LDB2: variants seen among roughly 807,000 people sequenced by gnomAD.
The protein encoded by LDB2 is LIM domain binding 2.
A neutral mutation model predicts 44.3 loss-of-function variants in LDB2; 12 were observed. The ratio of observed to expected loss-of-function variants is 0.27; its 90% CI spans 0.17 to 0.44. LDB2 has a LOEUF of 0.44. Among genes scored for constraint, LDB2 ranks in the 20% least tolerant of loss-of-function variants. The pLI, the probability that LDB2 is intolerant of heterozygous loss-of-function variation, is 1.00. For synonymous variants in LDB2, 164 were observed against 174.8 expected, an observed-to-expected ratio of 0.94 and a Z score of 0.49; for missense variants, 344 against 473.5, an observed-to-expected ratio of 0.73 and a Z score of 2.54.
At chr4:16,735,980 G>C (rs1051065523) in intron 2 of LDB2, among the ~76,000 whole-genome samples, 4 of 152,170 alleles carry the variant, frequency 2.6e-5, no homozygotes, top group Admixed American at 1.3e-4. Context: ...GAGAAAGACA[G>C]AAGAGCAATT....
At chr4:16,717,187 A>AATAATAATAATG (rs56204510) in intron 2 of LDB2, among the ~76,000 whole-genome samples, 3 of 146,886 alleles carry the variant, frequency 2.0e-5, no homozygotes, top group African/African-American at 7.4e-5. Context: ...TAATAATAAT[A>AATAATAATAATG]ATGATGATGA....
At chr4:16,618,390 T>C (rs547702496) in intron 2 of LDB2, among the ~76,000 whole-genome samples, 79 of 152,314 alleles carry the variant, frequency 5.2e-4, no homozygotes, top group African/African-American at 1.8e-3. Context: ...CCTATCTGCC[T>C]TGTTCGCATT....
intron 2 of LDB2, among the ~76,000 whole-genome samples, chr4:16,662,471 A>G (rs1741859547): frequency 6.6e-6 from 1 of 152,220 alleles, no homozygotes; most frequent in African/African-American, 2.4e-5. Flanking sequence ...TGGTAAAAAT[A>G]TATCATCCAA....
intron 2 of LDB2, among the ~76,000 whole-genome samples, chr4:16,729,793 G>A (rs1304486119): frequency 6.6e-6 from 1 of 152,092 alleles, no homozygotes; most frequent in Non-Finnish European, 1.5e-5. Flanking sequence ...TCTTTCTAAG[G>A]AGCACACAAA....
intron 2 of LDB2, among the ~76,000 whole-genome samples, chr4:16,677,977 A>AC (rs1746756343): frequency 6.6e-6 from 1 of 152,244 alleles, no homozygotes; most frequent in Admixed American, 6.5e-5. Context: ...AAGTGTGTAG[A>AC]CCGTCTTTCT....
At chr4:16,570,785 T>C (rs1172770400) in intron 5 of LDB2, among the ~76,000 whole-genome samples, 1 of 152,162 alleles carries the variant, frequency 6.6e-6, no homozygotes, top group Non-Finnish European at 1.5e-5. Context: ...ATGATGACGA[T>C]GATAATCATA....
intron 2 of LDB2, among the ~76,000 whole-genome samples, chr4:16,661,760 T>C (rs1480562996): frequency 1.3e-5 from 2 of 152,110 alleles, no homozygotes; most frequent in African/African-American, 4.8e-5. Flanking sequence ...GAAAATCACA[T>C]GCAACTGAAG....
At chr4:16,854,251 A>G (rs904987698) in intron 1 of LDB2, among the ~76,000 whole-genome samples, 7 of 151,556 alleles carry the variant, frequency 4.6e-5, no homozygotes, top group African/African-American at 1.7e-4. Context: ...CAATAATATC[A>G]TATTGTATAC....
intron 2 of LDB2, among the ~76,000 whole-genome samples, chr4:16,677,677 T>C (rs1015824302): frequency 6.6e-6 from 1 of 152,220 alleles, no homozygotes; most frequent in African/African-American, 2.4e-5. Flanking sequence ...TCTTGTTCCA[T>C]GTAATTAAGG....
chr4:16,798,108 T>C (rs2109705536), intron 1 of LDB2, among the ~76,000 whole-genome samples: 1 of 151,976 alleles, frequency 6.6e-6, no homozygotes, highest in South Asian at 2.1e-4. Context: ...TTTCCTTAGC[T>C]GAAAAATGGG....
At chr4:16,630,099 T>C (rs982889246) in intron 2 of LDB2, among the ~76,000 whole-genome samples, 2 of 152,110 alleles carry the variant, frequency 1.3e-5, no homozygotes, top group African/African-American at 4.8e-5. Context: ...ACCACAAAGA[T>C]ACTCCCTGAG....
intron 5 of LDB2, among the ~76,000 whole-genome samples, chr4:16,566,337 A>G (rs1339998755): frequency 6.6e-6 from 1 of 152,160 alleles, no homozygotes; most frequent in African/African-American, 2.4e-5. Flanking sequence ...AAGCCAAAAA[A>G]TACAAAGAAT....
intron 5 of LDB2, among the ~76,000 whole-genome samples, chr4:16,578,064 A>G (rs996567386): frequency 4.6e-5 from 7 of 152,152 alleles, no homozygotes; most frequent in Non-Finnish European, 8.8e-5. Context: ...AAAATCAAAT[A>G]AAAATGGATT....
chr4:16,613,625 T>G (rs914788940), intron 2 of LDB2, among the ~76,000 whole-genome samples: 1 of 151,916 alleles, frequency 6.6e-6, no homozygotes, highest in Non-Finnish European at 1.5e-5. Flanking sequence ...ACACCAACAA[T>G]AGGCATGCAG....
chr4:16,640,386 T>A, intron 2 of LDB2, among the ~76,000 whole-genome samples: 1 of 152,352 alleles, frequency 6.6e-6, no homozygotes, highest in Non-Finnish European at 1.5e-5. Flanking sequence ...AACTGAAATA[T>A]GAAGGACCTT....
chr4:16,628,423 G>GA (rs1426776724), intron 2 of LDB2, among the ~76,000 whole-genome samples: 1 of 152,174 alleles, frequency 6.6e-6, no homozygotes, highest in African/African-American at 2.4e-5. Flanking sequence ...GCCCTGGACT[G>GA]AAGGTACTGA....
At chr4:16,876,920 C>CT (rs1718576209) in intron 1 of LDB2, among the ~76,000 whole-genome samples, 3 of 76,270 alleles carry the variant, frequency 3.9e-5, no homozygotes, top group Non-Finnish European at 8.7e-5. Flanking sequence ...TTTTTTTTTT[C>CT]CTTAGAGACA....
At chr4:16,553,055 C>T (rs975155084) in intron 5 of LDB2, among the ~76,000 whole-genome samples, 8 of 152,170 alleles carry the variant, frequency 5.3e-5, no homozygotes, top group Non-Finnish European at 1.5e-5. Context: ...TTCTGAGGAG[C>T]CATGTCAAAG....
intron 1 of LDB2, among the ~76,000 whole-genome samples, chr4:16,880,209 T>A (rs902434502): frequency 6.6e-6 from 1 of 152,186 alleles, no homozygotes; most frequent in Non-Finnish European, 1.5e-5. Context: ...AAATTCTTCA[T>A]GGGTCCAGTC....
Sources: allele counts gnomAD v4.1 joint callset (sites outside exome capture counted in the v4.1 genomes callset), GRCh38; gene constraint gnomAD v4.1.1; transcripts MANE v1.5; gene names NCBI Gene and HGNC (gene_info 2026-07-23, HGNC 2026-07-21).